The following TENM2 variants were observed in gnomAD, a reference collection of about 807,000 sequenced individuals.
TENM2 encodes the protein teneurin-2.
A neutral mutation model predicts 245.2 loss-of-function variants in TENM2; 52 were observed. That is an observed-to-expected ratio of 0.21 (90% CI 0.17 to 0.27). The LOEUF is 0.27. Among genes scored for constraint, TENM2 ranks in the 10% least tolerant of loss-of-function variants. TENM2 has a pLI of 1.00. For missense variants in TENM2, 3,046 were observed against 3,666.8 expected, an observed-to-expected ratio of 0.83 and a Z score of 4.37; for synonymous variants, 1,363 against 1,438.9, an observed-to-expected ratio of 0.95 and a Z score of 1.19.
chr5:167,821,479 G>A (rs906820452), intron 2 of TENM2, among the ~76,000 whole-genome samples: 2 of 152,046 alleles, frequency 1.3e-5, no homozygotes, highest in Non-Finnish European at 2.9e-5. Context: ...GTCCTTTTGG[G>A]GGATGGTTCT....
At chr5:167,350,238 A>T (rs971380155) in intron 1 of TENM2, among the ~76,000 whole-genome samples, 4 of 152,106 alleles carry the variant, frequency 2.6e-5, no homozygotes, top group African/African-American at 9.7e-5. Flanking sequence ...AATGAGTCTG[A>T]CTAAATGGCA....
intron 2 of TENM2, among the ~76,000 whole-genome samples, chr5:167,392,436 T>A (rs940111535): frequency 6.6e-6 from 1 of 152,172 alleles, no homozygotes; most frequent in African/African-American, 2.4e-5. Context: ...ACTGATGGCC[T>A]GAATAGAACA....
At chr5:167,583,803 T>C (rs1554085435) in intron 2 of TENM2, among the ~76,000 whole-genome samples, 1 of 152,200 alleles carries the variant, frequency 6.6e-6, no homozygotes, top group Non-Finnish European at 1.5e-5. Flanking sequence ...TTCTACATTT[T>C]CCATTCCATC....
the TENM2 span, among the ~76,000 whole-genome samples, chr5:167,212,250 G>T: frequency 4.1e-5 from 6 of 144,832 alleles, no homozygotes; most frequent in African/African-American, 1.4e-4. Flanking sequence ...ACCTGCAGCC[G>T]CCACCCCAGG....
intron 6 of TENM2, among the ~76,000 whole-genome samples, chr5:168,052,551 C>G (rs1013256976): frequency 2.0e-5 from 3 of 151,856 alleles, no homozygotes; most frequent in Middle Eastern, 3.2e-3. Context: ...ACCACTTCAC[C>G]TTTTTCCTTT....
chr5:167,390,682 GA>G (rs71925528), intron 2 of TENM2, among the ~76,000 whole-genome samples: 5,475 of 151,770 alleles, frequency 0.036, 338 homozygotes, highest in African/African-American at 0.13. Context: ...AATTGATATA[GA>G]AAAAAAACAG....
the TENM2 span, among the ~76,000 whole-genome samples, chr5:167,201,333 A>G: frequency 3.3e-5 from 5 of 152,230 alleles, no homozygotes; most frequent in Non-Finnish European, 2.9e-5. Context: ...TAAAGAAGTA[A>G]TGCTAGGTAA....
At chr5:168,236,743 C>T (rs1765455967) in intron 25 of TENM2, among the ~76,000 whole-genome samples, 1 of 151,152 alleles carries the variant, frequency 6.6e-6, no homozygotes. Context: ...GTCCCAGTAA[C>T]AAACACAGAG....
chr5:167,164,537 G>A, the TENM2 span, among the ~76,000 whole-genome samples: 1 of 152,202 alleles, frequency 6.6e-6, no homozygotes, highest in African/African-American at 2.4e-5. Context: ...AGGAATATGA[G>A]GGTAAGCACC....
chr5:167,965,882 A>G (rs975590413), intron 4 of TENM2, among the ~76,000 whole-genome samples: 5 of 152,202 alleles, frequency 3.3e-5, no homozygotes, highest in Non-Finnish European at 5.9e-5. Flanking sequence ...CTTAATGACC[A>G]TATGATAATG....
At chr5:167,435,474 G>T (rs2127450177) in intron 2 of TENM2, among the ~76,000 whole-genome samples, 1 of 152,304 alleles carries the variant, frequency 6.6e-6, no homozygotes, top group Middle Eastern at 3.4e-3. Flanking sequence ...TGCCATGATT[G>T]TGAGGGCTCC....
chr5:167,299,602 A>C (rs912579973), intron 1 of TENM2, among the ~76,000 whole-genome samples: 1 of 152,190 alleles, frequency 6.6e-6, no homozygotes, highest in African/African-American at 2.4e-5. Context: ...TTTAAGAGGC[A>C]GGCTAGTGGC....
chr5:167,149,632 T>G, the TENM2 span, among the ~76,000 whole-genome samples: 1 of 152,166 alleles, frequency 6.6e-6, no homozygotes, highest in African/African-American at 2.4e-5. Flanking sequence ...TCAGGTTTCT[T>G]CTCTGGGAAT....
intron 5 of TENM2, among the ~76,000 whole-genome samples, chr5:168,033,943 C>A (rs1367115568): frequency 1.3e-5 from 2 of 150,264 alleles, no homozygotes; most frequent in African/African-American, 2.5e-5. Context: ...AGGAGAATGG[C>A]GTGAACCTGG....
chr5:167,500,117 T>C (rs1260557601), intron 2 of TENM2, among the ~76,000 whole-genome samples: 1 of 151,738 alleles, frequency 6.6e-6, no homozygotes, highest in African/African-American at 2.4e-5. Context: ...AATATATGAA[T>C]GCCTGCATTC....
At chr5:167,141,137 G>A in the TENM2 span, among the ~76,000 whole-genome samples, 1 of 152,300 alleles carries the variant, frequency 6.6e-6, no homozygotes, top group East Asian at 1.9e-4. Context: ...GTGGAAATGT[G>A]ATTAGGAGGG....
chr5:167,271,557 T>C, the TENM2 span, among the ~76,000 whole-genome samples: 1 of 152,188 alleles, frequency 6.6e-6, no homozygotes, highest in African/African-American at 2.4e-5. Context: ...GCTTGCACTA[T>C]CATGGCAAAT....
chr5:168,027,783 T>C (rs1306392184), intron 5 of TENM2, among the ~76,000 whole-genome samples: 1 of 152,258 alleles, frequency 6.6e-6, no homozygotes, highest in Non-Finnish European at 1.5e-5. Context: ...TTTTGTTTAC[T>C]GTTTTGCTTT....
chr5:167,287,740 C>T (rs1754376186), intron 1 of TENM2: 1 of 152,264 alleles, frequency 6.6e-6, no homozygotes, highest in African/African-American at 2.4e-5. Context: ...AACACAGAAT[C>T]CTCCTCTGCC....
Sources: allele counts gnomAD v4.1 joint callset (sites outside exome capture counted in the v4.1 genomes callset), GRCh38; gene constraint gnomAD v4.1.1; transcripts MANE v1.5; gene names NCBI Gene and HGNC (gene_info 2026-07-23, HGNC 2026-07-21).